HMGXB3: variants seen among roughly 807,000 people sequenced by gnomAD.
HMGXB3 encodes the protein HMG domain-containing protein 3.
Under a neutral mutation model 121.5 loss-of-function variants are expected in HMGXB3, and 45 were observed. That is an observed-to-expected ratio of 0.37 (90% CI 0.29 to 0.47). HMGXB3 has a LOEUF of 0.47. Among genes scored for constraint, HMGXB3 ranks in the 20% least tolerant of loss-of-function variants. The probability of loss-of-function intolerance (pLI) is 0.99; values close to 1 mark genes in which losing one functional copy is unlikely to be tolerated. For missense variants in HMGXB3, 1,376 were observed against 1,602.2 expected (o/e 0.86, Z 2.41); for synonymous variants, 590 against 624.1 (o/e 0.95, Z 0.81).
chr5:150,029,376 T>C (rs1219316203), intron 9 of HMGXB3, among the ~76,000 whole-genome samples: 2 of 151,430 alleles, frequency 1.3e-5, no homozygotes, highest in Middle Eastern at 3.4e-3. Flanking sequence ...GCTGACGTTA[T>C]AATGAGGTTT....
chr5:150,018,735 C>T, intron 6 of HMGXB3, 38 bp downstream of exon 6: 1 of 1,512,188 alleles, frequency 6.6e-7, no homozygotes, highest in Non-Finnish European at 8.9e-7. Context: ...GGAAGCCTCA[C>T]AGAATAGACT....
chr5:150,018,517 A>G, intron 5 of HMGXB3, 49 bp from the exon 6 acceptor site: 1 of 1,415,782 alleles, frequency 7.1e-7, no homozygotes, highest in Non-Finnish European at 9.3e-7. Context: ...AGTGGTCATC[A>G]GTCTGAGAGA....
rs1398660745 is a variant in HMGXB3 at position 150,051,807 on chromosome 5, C to T, written c.3494C>T (p.Thr1165Ile). 6.5e-7 allele frequency: 1 copy of T among 1,548,170 alleles called. No individual in the cohort carries two copies. The highest frequency in any genetic ancestry group is 8.7e-7 in the Non-Finnish European group (1 of 1,147,094). Residue 1165 changes from threonine (T) to isoleucine (I), a missense_variant, in exon 20 of 20, where the codon ACC (threonine) becomes ATC (isoleucine). Thr to Ile is a moderately conservative substitution (Grantham distance 89). Coordinates refer to ENST00000502717, the MANE Select transcript of HMGXB3 (RefSeq NM_014983.3). ...GAGCACTCTATCCAGCACCCAGTCA[C>T]CAAGACTGCCACGCGGCGCATCGTC... The part of the protein sequence containing the change: ...ETEHSIQHPV[T>I]KTATRRIVHA...
At position 150,045,559 on chromosome 5, in the gene HMGXB3, C is replaced by T; in HGVS notation, c.2824C>T (p.Pro942Ser). The change falls in exon 16 of 20, where the codon CCT (proline) becomes TCT (serine). Residue 942 changes from proline to serine, a missense_variant. Physicochemically the swap from Pro to Ser is moderately conservative, Grantham distance 74. Coordinates refer to ENST00000502717, the MANE Select transcript of HMGXB3 (RefSeq NM_014983.3). ...AGAGGTGATTGAGCAGGTGGCATTTCCTGCCAGCATCCCTATCACCAAATT... is the reference window on the plus strand; with the variant it reads ...AGAGGTGATTGAGCAGGTGGCATTTTCTGCCAGCATCCCTATCACCAAATT... ...ETEVIEQVAF[P>S]ASIPITKFDA... 2 of 1,552,146 alleles carry T rather than the reference C, an allele frequency of 1.3e-6. No individual in the cohort carries two copies. The highest frequency in any genetic ancestry group is 1.7e-6 in the Non-Finnish European group (2 of 1,147,084).
chr5:150,019,702 G>A (rs1756044404), intron 6 of HMGXB3, among the ~76,000 whole-genome samples: 1 of 152,160 alleles, frequency 6.6e-6, no homozygotes, highest in African/African-American at 2.4e-5. Flanking sequence ...AGGAAAGAGA[G>A]GACATTATTT....
intron 1 of HMGXB3, among the ~76,000 whole-genome samples, chr5:150,004,591 G>A (rs144675179): frequency 0.011 from 1,724 of 152,256 alleles, 26 homozygotes; most frequent in African/African-American, 0.039. Flanking sequence ...AAACTTGCCC[G>A]GTCTGAGGAA....
chr5:150,051,097 T>C (rs1291097041), intron 19 of HMGXB3, among the ~76,000 whole-genome samples: 1 of 152,222 alleles, frequency 6.6e-6, no homozygotes, highest in Non-Finnish European at 1.5e-5. Flanking sequence ...AAGGGGAAGC[T>C]AAGGCCCAGA....
In HMGXB3 at chr5:150,040,170, A is replaced by G. The variant is rs1365055625; in HGVS notation, c.2414-578A>G. Among the ~76,000 whole-genome samples the G allele has an allele frequency of 4.6e-5, 7 of 152,142 alleles. No individual in the cohort carries two copies. The East Asian group carries it at 1.4e-3, about 29-fold the overall frequency. On this transcript the variant is annotated intron_variant, in intron 13 of 19. Coordinates refer to ENST00000502717, the MANE Select transcript of HMGXB3 (RefSeq NM_014983.3). ...TTATTGGGGGAAAAAGATCTACTAT[A>G]TGTACTATTTCATTATTTTTTGTTT... is the stretch of plus-strand genomic sequence containing the variant.
At chr5:150,009,671 T>C (rs1198236618) in intron 3 of HMGXB3, among the ~76,000 whole-genome samples, 1 of 152,224 alleles carries the variant, frequency 6.6e-6, no homozygotes, top group Non-Finnish European at 1.5e-5. Context: ...AATGTTTGAA[T>C]CTTATGCTGC....
chr5:150,001,591 G>A (rs1755567353), intron 1 of HMGXB3, among the ~76,000 whole-genome samples: 1 of 152,166 alleles, frequency 6.6e-6, no homozygotes, highest in Non-Finnish European at 1.5e-5. Context: ...AGAGGTCCCC[G>A]TGCTGGTGCG....
intron 3 of HMGXB3, among the ~76,000 whole-genome samples, chr5:150,009,853 T>G (rs1755788145): frequency 6.6e-6 from 1 of 152,160 alleles, no homozygotes; most frequent in Non-Finnish European, 1.5e-5. Flanking sequence ...CAGTGCTCTT[T>G]CCAGAGTTCA....
Position 150,036,537 on chromosome 5 carries a change from G to A in HMGXB3, c.1984-99G>A. The A allele has an allele frequency of 2.7e-6, 3 of 1,104,740 alleles. No homozygotes were observed. The South Asian group carries it at 5.1e-5, about 19-fold the overall frequency. The allele number at this position is 1,104,740 out of a possible 1,614,324, so 68.4% of individuals were successfully genotyped here. ...CCTAGGTTTGCCACCTATCAGTCAT[G>A]GGCCCCATCTGTCTGCTGCTCCCAG... On this transcript the variant is annotated intron_variant, in intron 11 of 19. Coordinates refer to ENST00000502717, the MANE Select transcript of HMGXB3 (RefSeq NM_014983.3).
intron 4 of HMGXB3, among the ~76,000 whole-genome samples, chr5:150,011,045 A>G (rs990599136): frequency 1.3e-5 from 2 of 152,220 alleles, no homozygotes; most frequent in Non-Finnish European, 2.9e-5. Context: ...CTCCTGCCTC[A>G]GCCTCCCAAG....
intron 4 of HMGXB3, among the ~76,000 whole-genome samples, chr5:150,011,115 A>G (rs1053590933): frequency 4.6e-5 from 7 of 152,170 alleles, no homozygotes; most frequent in African/African-American, 1.2e-4. Context: ...TCAGCAAACA[A>G]TGGCACCTTG....
intron 3 of HMGXB3, among the ~76,000 whole-genome samples, chr5:150,007,572 T>C (rs1755730122): frequency 6.6e-6 from 1 of 152,212 alleles, no homozygotes; most frequent in South Asian, 2.1e-4. Context: ...ATTTTGTGCT[T>C]ATTGGCCTGG....
chr5:150,004,269 TGAGA>T (rs1401676356), intron 1 of HMGXB3, among the ~76,000 whole-genome samples: 2 of 152,048 alleles, frequency 1.3e-5, no homozygotes, highest in African/African-American at 4.8e-5. Context: ...TTTTTATACA[TGAGA>T]GAGAAAGCTG....
At chr5:150,033,524 A>T (rs1756429249) in intron 11 of HMGXB3, among the ~76,000 whole-genome samples, 1 of 152,152 alleles carries the variant, frequency 6.6e-6, no homozygotes, top group Non-Finnish European at 1.5e-5. Context: ...GTGAACATGA[A>T]GAGTGTTCCA....
chr5:150,016,513 G>C (rs1257532909), intron 5 of HMGXB3, among the ~76,000 whole-genome samples: 5 of 152,156 alleles, frequency 3.3e-5, no homozygotes, highest in African/African-American at 4.8e-5. Context: ...ATTACAAAAT[G>C]ACCTTTATCT....
intron 8 of HMGXB3, 25 bp from the exon 9 acceptor site, chr5:150,026,994 AC>A (rs1401167422): frequency 1.9e-6 from 3 of 1,549,274 alleles, no homozygotes; most frequent in Non-Finnish European, 2.6e-6. Context: ...CACTTAAGTC[AC>A]CAGTTTGGCT....
Sources: gnomAD v4.1 joint callset for allele counts (sites outside exome capture counted in the v4.1 genomes callset) on GRCh38, gnomAD v4.1.1 for gene constraint, MANE v1.5 for transcripts, NCBI Gene and HGNC (gene_info 2026-07-23, HGNC 2026-07-21) for gene names.